TASP1: variants seen among roughly 807,000 people sequenced by gnomAD.
TASP1 encodes threonine aspartase 1.
A neutral mutation model predicts 56.6 loss-of-function variants in TASP1; 16 were observed. The ratio of observed to expected loss-of-function variants is 0.28; its 90% CI spans 0.19 to 0.43. The LOEUF is 0.43. Among genes scored for constraint, TASP1 ranks in the 20% least tolerant of loss-of-function variants. The pLI is 1.00. For missense variants in TASP1, 393 were observed against 511.6 expected (o/e 0.77, Z 2.24); for synonymous variants, 179 against 184.2 (o/e 0.97, Z 0.23).
the TASP1 span, among the ~76,000 whole-genome samples, chr20:13,193,958 G>A: frequency 6.6e-6 from 1 of 152,150 alleles, no homozygotes; most frequent in Non-Finnish European, 1.5e-5. Flanking sequence ...GTAGATGCAA[G>A]GTAGGCTAGG....
At chr20:13,547,632 T>C (rs1408749807) in intron 8 of TASP1, among the ~76,000 whole-genome samples, 1 of 152,062 alleles carries the variant, frequency 6.6e-6, no homozygotes, top group Non-Finnish European at 1.5e-5. Context: ...ACAAAACCAA[T>C]GCAGGTATTT....
At chr20:13,224,643 T>C in the TASP1 span, among the ~76,000 whole-genome samples, 1 of 152,142 alleles carries the variant, frequency 6.6e-6, no homozygotes, top group African/African-American at 2.4e-5. Context: ...TAGTCAGAAA[T>C]ATGCAATGGT....
chr20:13,259,054 G>A, the TASP1 span, among the ~76,000 whole-genome samples: 7 of 152,198 alleles, frequency 4.6e-5, no homozygotes, highest in Admixed American at 2.0e-4. Flanking sequence ...AGGCCGAGGC[G>A]GGTGGATCAC....
chr20:13,274,514 G>A, the TASP1 span, among the ~76,000 whole-genome samples: 13 of 152,144 alleles, frequency 8.5e-5, no homozygotes, highest in Non-Finnish European at 1.3e-4. Flanking sequence ...AGCTGAATGG[G>A]AACTTGATAC....
At chr20:13,256,257 G>A in the TASP1 span, among the ~76,000 whole-genome samples, 7 of 152,090 alleles carry the variant, frequency 4.6e-5, no homozygotes, top group South Asian at 2.1e-4. Flanking sequence ...TTAGCCAGGC[G>A]TGGTGGCGGG....
At chr20:13,525,195 TG>T (rs1330359407) in intron 10 of TASP1, among the ~76,000 whole-genome samples, 1 of 152,170 alleles carries the variant, frequency 6.6e-6, no homozygotes, top group Non-Finnish European at 1.5e-5. Flanking sequence ...GCCCCTACTC[TG>T]GGACAAGAAA....
chr20:13,444,417 A>T (rs111362522), intron 11 of TASP1, among the ~76,000 whole-genome samples: 5,673 of 152,232 alleles, frequency 0.037, 132 homozygotes, highest in African/African-American at 0.058. Flanking sequence ...TCTTTGAGGA[A>T]TTACATATCT....
chr20:13,416,363 A>G (rs561144248), intron 13 of TASP1, among the ~76,000 whole-genome samples: 30 of 152,300 alleles, frequency 2.0e-4, no homozygotes, highest in African/African-American at 7.0e-4. Flanking sequence ...ATTGTACCAG[A>G]TGAAGGTGAA....
intron 11 of TASP1, among the ~76,000 whole-genome samples, chr20:13,473,843 CAGG>C (rs998787747): frequency 3.3e-5 from 5 of 152,214 alleles, no homozygotes; most frequent in African/African-American, 1.2e-4. Context: ...GAGGTAAAAG[CAGG>C]AGGATTACTG....
the TASP1 span, among the ~76,000 whole-genome samples, chr20:13,224,064 A>G: frequency 3.9e-5 from 6 of 152,090 alleles, no homozygotes; most frequent in Non-Finnish European, 7.3e-5. Flanking sequence ...AAGAGGACAC[A>G]ACAAATGGGG....
chr20:13,267,158 G>A, the TASP1 span, among the ~76,000 whole-genome samples: 1 of 152,106 alleles, frequency 6.6e-6, no homozygotes, highest in Non-Finnish European at 1.5e-5. Flanking sequence ...TTAACAGCTT[G>A]GGGGCATGCC....
At chr20:13,474,327 C>T (rs1456622865) in intron 11 of TASP1, among the ~76,000 whole-genome samples, 1 of 152,122 alleles carries the variant, frequency 6.6e-6, no homozygotes, top group Non-Finnish European at 1.5e-5. Context: ...CATTATATCA[C>T]TCTTATGCCT....
At chr20:13,487,116 C>G (rs2043348379) in intron 10 of TASP1, among the ~76,000 whole-genome samples, 1 of 152,204 alleles carries the variant, frequency 6.6e-6, no homozygotes, top group Non-Finnish European at 1.5e-5. Flanking sequence ...AGAGGTATCT[C>G]TCCATATTCT....
chr20:13,115,613 C>A, the TASP1 span, among the ~76,000 whole-genome samples: 1 of 152,136 alleles, frequency 6.6e-6, no homozygotes, highest in Admixed American at 6.5e-5. Context: ...GACCTGCAGC[C>A]ATTTATTATG....
At chr20:13,469,597 C>T (rs2044395888) in intron 11 of TASP1, among the ~76,000 whole-genome samples, 1 of 152,062 alleles carries the variant, frequency 6.6e-6, no homozygotes. Context: ...CCCACACACA[C>T]TGACTCAGTA....
intron 4 of TASP1, among the ~76,000 whole-genome samples, chr20:13,620,615 T>A (rs2048679938): frequency 6.6e-6 from 1 of 152,132 alleles, no homozygotes; most frequent in Admixed American, 6.5e-5. Flanking sequence ...AAAAAGTATA[T>A]CCCAAAGTCT....
intron 10 of TASP1, among the ~76,000 whole-genome samples, chr20:13,518,050 C>T (rs2044604189): frequency 6.6e-6 from 1 of 152,130 alleles, no homozygotes; most frequent in African/African-American, 2.4e-5. Flanking sequence ...TCTAGGCTCA[C>T]ATCTAGAAGT....
the TASP1 span, among the ~76,000 whole-genome samples, chr20:13,114,757 T>G: frequency 6.6e-6 from 1 of 152,082 alleles, no homozygotes; most frequent in South Asian, 2.1e-4. Flanking sequence ...TTTCTTGTTT[T>G]GAGTTACACT....
intron 4 of TASP1, among the ~76,000 whole-genome samples, chr20:13,607,742 T>C (rs2048209575): frequency 1.3e-5 from 2 of 152,274 alleles, no homozygotes; most frequent in Middle Eastern, 3.4e-3. Flanking sequence ...GAATGTCCTA[T>C]CAAAATCATT....
Sources: allele counts gnomAD v4.1 joint callset (sites outside exome capture counted in the v4.1 genomes callset), GRCh38; gene constraint gnomAD v4.1.1; transcripts MANE v1.5; gene names NCBI Gene and HGNC (gene_info 2026-07-23, HGNC 2026-07-21).